Variants in NEURL1 observed in about 807,000 individuals in gnomAD.
The protein encoded by NEURL1 is E3 ubiquitin-protein ligase NEURL1.
NEURL1 carries 26 observed loss-of-function variants against 41.2 expected under a neutral mutation model. The observed-to-expected ratio is 0.63, with a 90% CI of 0.46 to 0.87. The LOEUF is 0.87. Ranked by LOEUF, NEURL1 falls within the 40% of genes least tolerant of loss-of-function variation. NEURL1 has a pLI of 0.00. For missense variants in NEURL1, 761 were observed against 871.1 expected (o/e 0.87, Z 1.59); for synonymous variants, 400 against 402.3 (o/e 0.99, Z 0.07).
intron 3 of NEURL1, among the ~76,000 whole-genome samples, chr10:103,583,262 T>G (rs1024057454): frequency 2.0e-5 from 3 of 152,218 alleles, no homozygotes; most frequent in Non-Finnish European, 4.4e-5. Context: ...AATGGCTTCA[T>G]GTAGTTCATG....
intron 1 of NEURL1, among the ~76,000 whole-genome samples, chr10:103,549,944 C>T (rs997043899): frequency 2.0e-5 from 3 of 152,224 alleles, no homozygotes; most frequent in Non-Finnish European, 4.4e-5. Flanking sequence ...TTTGCTACAC[C>T]TGTAAAATGG....
At chr10:103,560,481 T>C (rs879764461) in intron 1 of NEURL1, among the ~76,000 whole-genome samples, 1 of 152,116 alleles carries the variant, frequency 6.6e-6, no homozygotes, top group Non-Finnish European at 1.5e-5. Flanking sequence ...GGAGGCTCAG[T>C]TGGGGATTAA....
At chr10:103,586,215 TAG>T (rs941544958) in intron 4 of NEURL1, among the ~76,000 whole-genome samples, 1 of 152,146 alleles carries the variant, frequency 6.6e-6, no homozygotes, top group Admixed American at 6.5e-5. Flanking sequence ...GGTTTTGGTG[TAG>T]AGTTTTTCCA....
intron 1 of NEURL1, among the ~76,000 whole-genome samples, chr10:103,544,877 G>A (rs1003785753): frequency 6.6e-6 from 1 of 152,226 alleles, no homozygotes; most frequent in Non-Finnish European, 1.5e-5. Flanking sequence ...GCCACCAGGA[G>A]GGAGAAGCCA....
chr10:103,579,249 C>T (rs367862439), intron 3 of NEURL1, among the ~76,000 whole-genome samples: 14 of 152,248 alleles, frequency 9.2e-5, no homozygotes, highest in African/African-American at 3.4e-4. Flanking sequence ...CACCTGTCAA[C>T]CCAAACCCTC....
At chr10:103,538,219 T>G (rs7088041) in intron 1 of NEURL1, among the ~76,000 whole-genome samples, 5 of 151,870 alleles carry the variant, frequency 3.3e-5, no homozygotes, top group Non-Finnish European at 7.4e-5. Context: ...CTCAGCCTCC[T>G]GAGTAGTTGG....
chr10:103,590,350 T>TC lies in NEURL1; in HGVS notation c.1704dup (p.Lys569GlnfsTer123). 1 of 1,614,050 alleles carries TC rather than the reference T, an allele frequency of 6.2e-7. No individual in the cohort carries two copies. Among genetic ancestry groups the TC allele is most frequent in the Non-Finnish European group, 8.5e-7 (1 of 1,179,976 alleles). On this transcript the variant is annotated frameshift_variant, in exon 6 of 6. Transcript: ENST00000369780. LOFTEE classifies it high-confidence loss of function. ...TGCCGCCGCCCCATCAAGGACATCA[T>TC]CAAGACCTACCGCAGCTCCTAGCCC...
chr10:103,509,022 A>C (rs1407820808), intron 1 of NEURL1, among the ~76,000 whole-genome samples: 5 of 152,162 alleles, frequency 3.3e-5, no homozygotes, highest in Non-Finnish European at 5.9e-5. Flanking sequence ...TGAGGTCAGG[A>C]GTTCGAGACC....
chr10:103,524,659 A>C (rs2034424764), intron 1 of NEURL1, among the ~76,000 whole-genome samples: 1 of 152,170 alleles, frequency 6.6e-6, no homozygotes, highest in South Asian at 2.1e-4. Context: ...ATTTTTCTGC[A>C]TATGGATATC....
chr10:103,516,625 G>A (rs2034212236), intron 1 of NEURL1, among the ~76,000 whole-genome samples: 1 of 152,088 alleles, frequency 6.6e-6, no homozygotes, highest in Non-Finnish European at 1.5e-5. Flanking sequence ...GTGTGGGAGA[G>A]GTACAAGGAG....
Position 103,584,548 on chromosome 10 carries a change from T to A in NEURL1, c.662T>A (p.Val221Glu). Residue 221 changes from valine to glutamate, a missense_variant, in exon 4 of 6, where the codon GTG becomes GAG. By Grantham distance (121) the Val-to-Glu change is moderately radical. Coordinates refer to ENST00000369780, the MANE Select transcript of NEURL1 (RefSeq NM_004210.5). The stretch of plus-strand genomic sequence containing the variant: ...GTCTCCCGCGCAGATAGCGAGCTGG[T>A]GCTCCCGGACTGTCTGCGGCCGCGC... ...RGVQLLDSEL[V>E]LPDCLRPRSF... 2 of 1,382,104 alleles carry A rather than the reference T, an allele frequency of 1.4e-6. No homozygotes were observed. Among genetic ancestry groups the A allele is most frequent in the Admixed American group, 3.5e-5 (1 of 28,406 alleles). 85.6% of individuals were successfully genotyped at this position (1,382,104 alleles called of 1,614,324 possible).
At chr10:103,555,412 C>T (rs752482725) in intron 1 of NEURL1, 8 of 1,358,834 alleles carry the variant, frequency 5.9e-6, no homozygotes, top group South Asian at 2.3e-5. Context: ...GCACTCTCCA[C>T]GGTAAGGCCC....
chr10:103,538,322 G>C (rs1381878232), intron 1 of NEURL1, among the ~76,000 whole-genome samples: 1 of 152,192 alleles, frequency 6.6e-6, no homozygotes, highest in Non-Finnish European at 1.5e-5. Context: ...TGTAGTTCCA[G>C]CACTTTGGGA....
At chr10:103,500,150 C>T (rs2033790144) in intron 1 of NEURL1, among the ~76,000 whole-genome samples, 1 of 152,184 alleles carries the variant, frequency 6.6e-6, no homozygotes, top group Admixed American at 6.5e-5. Flanking sequence ...CCCAGAGCAC[C>T]CATCCTGCAT....
At chr10:103,568,547 C>T (rs1350160950) in intron 1 of NEURL1, among the ~76,000 whole-genome samples, 3 of 152,140 alleles carry the variant, frequency 2.0e-5, no homozygotes, top group East Asian at 1.9e-4. Flanking sequence ...AAAACTGCTT[C>T]GTGGAGGTGT....
intron 1 of NEURL1, among the ~76,000 whole-genome samples, chr10:103,514,175 G>A (rs1013832322): frequency 2.6e-5 from 4 of 151,550 alleles, no homozygotes; most frequent in African/African-American, 9.7e-5. Context: ...TGCAACCTCC[G>A]CCTCCTGGGG....
intron 1 of NEURL1, among the ~76,000 whole-genome samples, chr10:103,519,654 T>C (rs929601707): frequency 1.3e-5 from 2 of 152,178 alleles, no homozygotes; most frequent in Non-Finnish European, 2.9e-5. Flanking sequence ...ATCCAGAAGA[T>C]GCCAAATCTC....
chr10:103,510,319 G>A (rs1050690076), intron 1 of NEURL1, among the ~76,000 whole-genome samples: 1 of 152,126 alleles, frequency 6.6e-6, no homozygotes, highest in Non-Finnish European at 1.5e-5. Context: ...AGACACCCAC[G>A]GCCACTGCTT....
chr10:103,570,145 G>A (rs2035507609), intron 1 of NEURL1, among the ~76,000 whole-genome samples: 1 of 152,162 alleles, frequency 6.6e-6, no homozygotes, highest in South Asian at 2.1e-4. Flanking sequence ...GCTTTCTACG[G>A]CTCCACCCTC....
Sources: allele counts gnomAD v4.1 joint callset (sites outside exome capture counted in the v4.1 genomes callset), GRCh38; gene constraint gnomAD v4.1.1; transcripts MANE v1.5; gene names NCBI Gene and HGNC (gene_info 2026-07-23, HGNC 2026-07-21).